Variants in KHDRBS2 observed in about 807,000 individuals in gnomAD.
KHDRBS2 encodes KH RNA binding domain containing, signal transduction associated 2, also known as KH domain-containing, RNA-binding, signal transduction-associated protein 2.
Under a neutral mutation model 44.3 loss-of-function variants are expected in KHDRBS2, and 26 were observed. That is an observed-to-expected ratio of 0.59 (90% CI 0.43 to 0.81). KHDRBS2 has a LOEUF of 0.81. Among genes scored for constraint, KHDRBS2 ranks in the 40% least tolerant of loss-of-function variants. The probability of loss-of-function intolerance (pLI) is 0.00; values close to 1 mark genes in which losing one functional copy is unlikely to be tolerated. For missense variants in KHDRBS2, 476 were observed against 433.1 expected (o/e 1.10, Z -0.88); for synonymous variants, 194 against 151.1 (o/e 1.28, Z -2.08).
intron 3 of KHDRBS2, among the ~76,000 whole-genome samples, chr6:62,006,575 T>A (rs1364053708): frequency 2.6e-5 from 4 of 151,892 alleles, no homozygotes; most frequent in Non-Finnish European, 5.9e-5. Flanking sequence ...ATACTGAAAA[T>A]CATAACATTT....
intron 6 of KHDRBS2, among the ~76,000 whole-genome samples, chr6:61,758,015 T>C (rs1363152981): frequency 6.6e-6 from 1 of 152,176 alleles, no homozygotes; most frequent in Non-Finnish European, 1.5e-5. Context: ...CCTGGAATTC[T>C]CTCCTTGTGC....
At chr6:61,880,936 C>T (rs1485543671) in intron 6 of KHDRBS2, among the ~76,000 whole-genome samples, 4 of 151,828 alleles carry the variant, frequency 2.6e-5, no homozygotes, top group Non-Finnish European at 4.4e-5. Flanking sequence ...TGCTGACAAA[C>T]ATTTGCTTCC....
the KHDRBS2 span, among the ~76,000 whole-genome samples, chr6:61,616,495 ATAT>A: frequency 6.9e-6 from 1 of 144,738 alleles, no homozygotes; most frequent in African/African-American, 2.6e-5. Context: ...ATATATATAT[ATAT>A]AATGCTATTG....
intron 2 of KHDRBS2, among the ~76,000 whole-genome samples, chr6:62,127,669 T>C (rs1259140223): frequency 6.6e-6 from 1 of 152,138 alleles, no homozygotes; most frequent in East Asian, 1.9e-4. Context: ...TACTAATTTG[T>C]CTTAATTTTT....
the KHDRBS2 span, among the ~76,000 whole-genome samples, chr6:61,673,690 TAAAA>T: frequency 7.3e-6 from 1 of 137,782 alleles, no homozygotes; most frequent in African/African-American, 2.7e-5. Flanking sequence ...TCAAAGAGAA[TAAAA>T]TACCTAGGAA....
At chr6:62,134,941 C>T (rs745891867) in intron 2 of KHDRBS2, among the ~76,000 whole-genome samples, 1 of 152,132 alleles carries the variant, frequency 6.6e-6, no homozygotes, top group East Asian at 1.9e-4. Flanking sequence ...GCAGAAGGGA[C>T]TTGCCTTGTC....
At chr6:61,595,086 C>T in the KHDRBS2 span, among the ~76,000 whole-genome samples, 15 of 152,182 alleles carry the variant, frequency 9.9e-5, no homozygotes, top group South Asian at 4.2e-4. Flanking sequence ...AAGGAGGTAC[C>T]ACAATCTTTT....
chr6:62,190,064 T>C (rs1357283773), intron 1 of KHDRBS2, among the ~76,000 whole-genome samples: 2 of 151,944 alleles, frequency 1.3e-5, no homozygotes, highest in African/African-American at 4.8e-5. Context: ...TACTCTAATA[T>C]GCAAAGTTCA....
At chr6:62,104,311 C>A (rs1450200293) in intron 2 of KHDRBS2, among the ~76,000 whole-genome samples, 1 of 151,646 alleles carries the variant, frequency 6.6e-6, no homozygotes, top group Non-Finnish European at 1.5e-5. Context: ...TTTAATTATA[C>A]TTTAAGTTTT....
Position 62,283,285 on chromosome 6 carries a change from G to A in KHDRBS2, c.91+2573C>T, listed in dbSNP as rs146798007. On this transcript the variant is annotated intron_variant, in intron 1 of 8. Transcript: ENST00000281156. ...AAGTGAAATAAAACAAACTACAATG[G>A]ACCCCCCAAAAACCCCAAATAAACA... Among the ~76,000 whole-genome samples the A allele has an allele frequency of 3.2e-3, 487 of 151,824 alleles. 1 individual carries two copies. Among genetic ancestry groups the A allele is most frequent in the Non-Finnish European group, 5.4e-3 (369 of 67,874 alleles).
intron 3 of KHDRBS2, among the ~76,000 whole-genome samples, chr6:62,033,754 A>C (rs1488145738): frequency 1.3e-5 from 2 of 151,692 alleles, no homozygotes; most frequent in East Asian, 3.9e-4. Flanking sequence ...AGGAAGGCTG[A>C]GGCAGGAGAA....
the KHDRBS2 span, among the ~76,000 whole-genome samples, chr6:61,590,656 T>G: frequency 6.6e-6 from 1 of 152,210 alleles, no homozygotes; most frequent in Admixed American, 6.5e-5. Context: ...ATAGGACTTA[T>G]GTGAATTTAC....
intron 3 of KHDRBS2, among the ~76,000 whole-genome samples, chr6:62,047,216 CT>C (rs1243264855): frequency 6.6e-6 from 1 of 151,910 alleles, no homozygotes; most frequent in Non-Finnish European, 1.5e-5. Context: ...TGGAATAAAT[CT>C]CTACAAATTG....
Position 62,171,120 on chromosome 6 carries a change from G to T in KHDRBS2, c.219+6065C>A, listed in dbSNP as rs1313320001. Among the ~76,000 whole-genome samples the T allele has an allele frequency of 2.6e-5, 4 of 152,160 alleles. No individual in the cohort carries two copies. In the East Asian group the frequency reaches 7.7e-4, roughly 29 times the overall value. ...TTCCCCAACAATGGTTCTTAACCAG[G>T]CTGAACTGGGTGAAATGGCAGATAC... On this transcript the variant is annotated intron_variant, in intron 2 of 8. Transcript: ENST00000281156.
chr6:62,071,453 C>G (rs928776962), intron 2 of KHDRBS2, among the ~76,000 whole-genome samples: 1 of 152,134 alleles, frequency 6.6e-6, no homozygotes, highest in African/African-American at 2.4e-5. Context: ...ATGTTTTCTT[C>G]TAGGATTTTT....
chr6:61,952,971 T>C (rs1329783951), intron 4 of KHDRBS2, among the ~76,000 whole-genome samples: 3 of 152,072 alleles, frequency 2.0e-5, no homozygotes, highest in African/African-American at 7.2e-5. Flanking sequence ...CTGAATCATA[T>C]GCCTTAGAAC....
rs923266254 is a variant in KHDRBS2 at position 62,190,392 on chromosome 6, C to T, written c.92-13080G>A. Among the ~76,000 whole-genome samples the T allele has an allele frequency of 5.3e-5, 8 of 152,116 alleles. No homozygotes were observed. The East Asian group carries it at 7.7e-4, about 15-fold the overall frequency. ...CCTCCTACACCTCAGTAGGGTTACC[C>T]TGGTTCATTGCCTTCCTGAACCTTT... On this transcript the variant is annotated intron_variant, in intron 1 of 8. Coordinates refer to ENST00000281156, the MANE Select transcript of KHDRBS2 (RefSeq NM_152688.4).
At chr6:62,188,836 G>A (rs553212662) in intron 1 of KHDRBS2, among the ~76,000 whole-genome samples, 2 of 152,156 alleles carry the variant, frequency 1.3e-5, no homozygotes, top group Non-Finnish European at 2.9e-5. Flanking sequence ...TCAGTAGGCT[G>A]GGTGCGGTGG....
At chr6:62,181,071 T>A (rs1385930019) in intron 1 of KHDRBS2, among the ~76,000 whole-genome samples, 1 of 149,182 alleles carries the variant, frequency 6.7e-6, no homozygotes, top group Non-Finnish European at 1.5e-5. Context: ...GACTTAAACA[T>A]AAGACCAGAA....
Sources: allele counts gnomAD v4.1 joint callset (sites outside exome capture counted in the v4.1 genomes callset), GRCh38; gene constraint gnomAD v4.1.1; transcripts MANE v1.5; gene names NCBI Gene and HGNC (gene_info 2026-07-23, HGNC 2026-07-21).